Variants in JDP2 observed in about 807,000 individuals in gnomAD.
JDP2 encodes Jun dimerization protein 2.
In JDP2, 9 loss-of-function variants were observed where a neutral mutation model predicts 17.1. The observed-to-expected ratio is 0.53, with a 90% CI of 0.32 to 0.92. JDP2 has a LOEUF of 0.92. Among genes scored for constraint, JDP2 ranks in the 40% least tolerant of loss-of-function variants. The pLI is 0.04. For synonymous variants in JDP2, 107 were observed against 95.6 expected (o/e 1.12, Z -0.69); for missense variants, 179 against 220.0 (o/e 0.81, Z 1.18).
chr14:75,457,370 C>T (rs935425866), intron 2 of JDP2, among the ~76,000 whole-genome samples: 59 of 152,238 alleles, frequency 3.9e-4, no homozygotes, highest in Admixed American at 3.2e-3. Context: ...CAAGTGGTCC[C>T]TGTCTAGGGG....
At chr14:75,432,674 G>A (rs1033310291) in intron 1 of JDP2, among the ~76,000 whole-genome samples, 5 of 152,146 alleles carry the variant, frequency 3.3e-5, no homozygotes, top group Admixed American at 6.5e-5. Context: ...GGCCCGGAGG[G>A]GAGCTTACCT....
chr14:75,444,849 C>T (rs1371350220), intron 2 of JDP2, among the ~76,000 whole-genome samples: 1 of 152,170 alleles, frequency 6.6e-6, no homozygotes, highest in African/African-American at 2.4e-5. Flanking sequence ...GCAGACTTTC[C>T]AGTTTCTGGT....
chr14:75,450,042 T>C (rs1243337481), intron 2 of JDP2, among the ~76,000 whole-genome samples: 4 of 152,154 alleles, frequency 2.6e-5, no homozygotes, highest in Admixed American at 2.6e-4. Flanking sequence ...CGGCGGCCTG[T>C]TGTTTTTGGG....
chr14:75,465,770 T>G (rs1319662145), intron 3 of JDP2, among the ~76,000 whole-genome samples: 2 of 152,228 alleles, frequency 1.3e-5, no homozygotes, highest in Non-Finnish European at 2.9e-5. Flanking sequence ...GCCCTTCACC[T>G]TGTATTCTTT....
At chr14:75,445,950 A>G (rs761503776) in intron 2 of JDP2, among the ~76,000 whole-genome samples, 6 of 152,224 alleles carry the variant, frequency 3.9e-5, no homozygotes, top group Admixed American at 1.3e-4. Context: ...GAATGATTAC[A>G]GCTCAATAAT....
intron 3 of JDP2, among the ~76,000 whole-genome samples, chr14:75,463,357 G>T (rs1242916616): frequency 6.6e-6 from 1 of 152,254 alleles, no homozygotes; most frequent in Non-Finnish European, 1.5e-5. Context: ...CACACTGCTA[G>T]CGAGTGGTGG....
chr14:75,439,965 TG>T (rs1162890378), intron 2 of JDP2, among the ~76,000 whole-genome samples: 1 of 152,210 alleles, frequency 6.6e-6, no homozygotes, highest in South Asian at 2.1e-4. Context: ...GGGATTCGCC[TG>T]GGGGGCTGAG....
At chr14:75,444,670 C>T (rs1291446018) in intron 2 of JDP2, among the ~76,000 whole-genome samples, 1 of 152,240 alleles carries the variant, frequency 6.6e-6, no homozygotes, top group Non-Finnish European at 1.5e-5. Context: ...CACAGAGCTT[C>T]ATCGCGAAGA....
At chr14:75,458,318 T>TCCTA in intron 2 of JDP2, among the ~76,000 whole-genome samples, 1 of 152,282 alleles carries the variant, frequency 6.6e-6, no homozygotes, top group Middle Eastern at 3.4e-3. Context: ...CTCTCCCTCC[T>TCCTA]CCTACCCTCC....
chr14:75,430,787 T>G lies in JDP2; in HGVS notation c.-24+2535T>G, dbSNP rs1242259994. On this transcript the variant is annotated intron_variant, in intron 1 of 3. Transcript: ENST00000651602. This position sits in a 1 kb window ranked among gnomAD's most constrained non-coding sequence, Gnocchi z 4.5. ...GTGCCTGTGTATGTGTGTGTGCGTGTGCATGTGTGTGCACATGCGTTCTTG... is the reference window on the plus strand; with the variant it reads ...GTGCCTGTGTATGTGTGTGTGCGTGGGCATGTGTGTGCACATGCGTTCTTG... Among the ~76,000 whole-genome samples, 1 of 152,172 alleles carries G rather than the reference T, an allele frequency of 6.6e-6. No homozygotes were observed. The highest frequency in any genetic ancestry group is 2.4e-5 in the African/African-American group (1 of 41,444).
chr14:75,441,517 G>A (rs1885352229), intron 2 of JDP2, among the ~76,000 whole-genome samples: 1 of 152,168 alleles, frequency 6.6e-6, no homozygotes, highest in South Asian at 2.1e-4. Context: ...TCTCGGCACC[G>A]TATATTGCAG....
At chr14:75,445,074 A>T in intron 2 of JDP2, 1 of 984,180 alleles carries the variant, frequency 1.0e-6, no homozygotes, top group Non-Finnish European at 1.2e-6. Context: ...CTACCATCTT[A>T]CTTTGATGTT....
chr14:75,444,120 T>A (rs933131946), intron 2 of JDP2, among the ~76,000 whole-genome samples: 2 of 152,114 alleles, frequency 1.3e-5, no homozygotes, highest in African/African-American at 4.8e-5. Context: ...CCCAGGCTGT[T>A]TTTGGACTCC....
At chr14:75,467,899 C>T (rs1314354212) in intron 3 of JDP2, among the ~76,000 whole-genome samples, 3 of 152,116 alleles carry the variant, frequency 2.0e-5, no homozygotes, top group East Asian at 1.9e-4. Context: ...TTTCTCTCAG[C>T]GTCTGGTCAC....
intron 2 of JDP2, among the ~76,000 whole-genome samples, chr14:75,448,013 A>T (rs953888044): frequency 2.6e-5 from 4 of 151,932 alleles, no homozygotes; most frequent in Admixed American, 1.3e-4. Context: ...ACTAAACTGA[A>T]TGCGCAAGAA....
intron 2 of JDP2, among the ~76,000 whole-genome samples, chr14:75,450,763 C>T (rs1885814512): frequency 1.3e-5 from 2 of 152,204 alleles, no homozygotes; most frequent in Non-Finnish European, 2.9e-5. Context: ...TCCCTAACCA[C>T]GCAAGGTGCT....
intron 2 of JDP2, among the ~76,000 whole-genome samples, chr14:75,441,553 T>C (rs1291836671): frequency 1.3e-5 from 2 of 152,100 alleles, no homozygotes; most frequent in Non-Finnish European, 2.9e-5. Context: ...GTAAGCAAAT[T>C]AATACACGAT....
rs370690895 is a variant in JDP2, at chr14:75,469,430, C to T, written c.447C>T (p.Pro149=). Residue 149 remains proline, a synonymous_variant, in exon 4 of 4, where the codon CCC becomes CCT. Transcript: ENST00000651602. ...CIVRTDSVKT[P]ESEGNPLLEQ... ...TCCGGACCGACAGTGTCAAGACCCC[C>T]GAGTCAGAAGGCAACCCACTGCTCG... The T allele has an allele frequency of 2.2e-5, 36 of 1,613,890 alleles. No individual in the cohort carries two copies. Among genetic ancestry groups the T allele is most frequent in the Non-Finnish European group, 2.8e-5 (33 of 1,179,974 alleles).
intron 1 of JDP2, among the ~76,000 whole-genome samples, 200 bp from the exon 2 acceptor site, chr14:75,437,697 AG>A (rs1198273786): frequency 6.6e-6 from 1 of 152,256 alleles, no homozygotes; most frequent in Non-Finnish European, 1.5e-5. Flanking sequence ...GGCAGTGCCA[AG>A]GGTGACCTTG....
Sources: allele counts gnomAD v4.1 joint callset (sites outside exome capture counted in the v4.1 genomes callset), GRCh38; gene constraint gnomAD v4.1.1; non-coding constraint Gnocchi (gnomAD v3.1); transcripts MANE v1.5; gene names NCBI Gene and HGNC (gene_info 2026-07-23, HGNC 2026-07-21).